KCNH8: variants seen among roughly 807,000 people sequenced by gnomAD.
The protein encoded by KCNH8 is potassium voltage-gated channel subfamily H member 8, also known as voltage-gated delayed rectifier potassium channel KCNH8.
Under a neutral mutation model 103.6 loss-of-function variants are expected in KCNH8, and 70 were observed. The ratio of observed to expected loss-of-function variants is 0.68; its 90% confidence interval spans 0.56 to 0.82. The LOEUF (loss-of-function observed/expected upper bound fraction) is 0.82, where lower values mean the gene tolerates loss of function less well. Among genes scored for constraint, KCNH8 ranks in the 40% least tolerant of loss-of-function variants. The pLI is 0.00. For synonymous variants in KCNH8, 498 were observed against 489.4 expected (o/e 1.02, Z -0.23); for missense variants, 1,217 against 1,329.9 (o/e 0.92, Z 1.32).
At chr3:19,438,051 C>A (rs2067227047) in intron 7 of KCNH8, 113 bp from the exon 8 acceptor site, 1 of 815,500 alleles carries the variant, frequency 1.2e-6, no homozygotes, top group Non-Finnish European at 2.0e-6. Flanking sequence ...TTACCTTCTT[C>A]TTCCTCTGAG....
At chr3:19,405,652 T>A (rs1025813624) in intron 7 of KCNH8, among the ~76,000 whole-genome samples, 8 of 151,934 alleles carry the variant, frequency 5.3e-5, no homozygotes, top group Non-Finnish European at 1.0e-4. Flanking sequence ...ATATTGTGGT[T>A]CTCAAAAGTG....
intron 2 of KCNH8, among the ~76,000 whole-genome samples, 176 bp from the exon 3 acceptor site, chr3:19,281,022 A>G (rs2125274008): frequency 6.6e-6 from 1 of 152,220 alleles, no homozygotes; most frequent in South Asian, 2.1e-4. Context: ...TGGAATGAAG[A>G]GAGATGTATA....
chr3:19,510,031 A>G (rs2068757336), intron 11 of KCNH8, among the ~76,000 whole-genome samples: 1 of 152,178 alleles, frequency 6.6e-6, no homozygotes, highest in African/African-American at 2.4e-5. Flanking sequence ...ATGAAGCATC[A>G]AGATGGAAAA....
At chr3:19,311,694 C>A (rs2065210589) in intron 3 of KCNH8, among the ~76,000 whole-genome samples, 1 of 151,616 alleles carries the variant, frequency 6.6e-6, no homozygotes, top group African/African-American at 2.4e-5. Flanking sequence ...CAGACCAGGC[C>A]AAACAGAGCT....
intron 15 of KCNH8, among the ~76,000 whole-genome samples, chr3:19,519,168 G>C (rs1184693166): frequency 6.6e-6 from 1 of 151,960 alleles, no homozygotes; most frequent in Non-Finnish European, 1.5e-5. Context: ...GCTCAGGCGA[G>C]AATATGCAGC....
intron 11 of KCNH8, among the ~76,000 whole-genome samples, chr3:19,509,845 G>C (rs986199257): frequency 6.6e-6 from 1 of 152,160 alleles, no homozygotes; most frequent in Non-Finnish European, 1.5e-5. Flanking sequence ...TCATGCCTAT[G>C]AGCGTTCAGG....
chr3:19,235,674 TACTA>T, intron 1 of KCNH8, among the ~76,000 whole-genome samples: 1 of 152,330 alleles, frequency 6.6e-6, no homozygotes, highest in East Asian at 1.9e-4. Context: ...AAAATTTAAA[TACTA>T]ACAAATTAGT....
chr3:19,389,044 A>G (rs1172732811), intron 5 of KCNH8, among the ~76,000 whole-genome samples: 1 of 152,200 alleles, frequency 6.6e-6, no homozygotes, highest in East Asian at 1.9e-4. Flanking sequence ...GTTATCTACA[A>G]TAATACTAAT....
intron 3 of KCNH8, among the ~76,000 whole-genome samples, chr3:19,292,988 C>T (rs1160726832): frequency 1.3e-5 from 2 of 152,128 alleles, no homozygotes; most frequent in African/African-American, 4.8e-5. Context: ...GGTTTTTTCC[C>T]TAAGCTTTTA....
chr3:19,447,927 G>A (rs566094196), intron 8 of KCNH8, among the ~76,000 whole-genome samples: 15 of 151,942 alleles, frequency 9.9e-5, no homozygotes, highest in South Asian at 4.2e-4. Context: ...ACATTCTTGC[G>A]TGTATCAAGC....
chr3:19,328,902 C>A (rs1269883180), intron 3 of KCNH8, among the ~76,000 whole-genome samples: 3 of 152,022 alleles, frequency 2.0e-5, no homozygotes, highest in African/African-American at 7.2e-5. Flanking sequence ...TGGATGATTT[C>A]TTTATTTATG....
At chr3:19,234,721 A>G (rs7639587) in intron 1 of KCNH8, among the ~76,000 whole-genome samples, 4,226 of 152,346 alleles carry the variant, frequency 0.028, 195 homozygotes, top group African/African-American at 0.094. Flanking sequence ...AGGGCTCCTC[A>G]AGTGCCGCCA....
chr3:19,300,378 G>C (rs1017007532), intron 3 of KCNH8, among the ~76,000 whole-genome samples: 1 of 152,088 alleles, frequency 6.6e-6, no homozygotes, highest in Non-Finnish European at 1.5e-5. Flanking sequence ...CTCACCATGG[G>C]GCAAGTTGAT....
intron 14 of KCNH8, among the ~76,000 whole-genome samples, chr3:19,516,076 T>C (rs1288476184): frequency 6.6e-6 from 1 of 152,004 alleles, no homozygotes; most frequent in Non-Finnish European, 1.5e-5. Context: ...CTGTATTTGA[T>C]AAAAAGAGAA....
intron 1 of KCNH8, among the ~76,000 whole-genome samples, chr3:19,199,145 CTG>C (rs531200441): frequency 9.1e-4 from 138 of 152,224 alleles, no homozygotes; most frequent in Non-Finnish European, 1.1e-3. Flanking sequence ...ACTCATTGTA[CTG>C]TGTCATCCTA....
At position 19,222,607 on chromosome 3, in the gene KCNH8, G is replaced by A. The variant is rs2063887681; in HGVS notation, c.77-31047G>A. 5.3e-5 allele frequency among the ~76,000 whole-genome samples: 8 copies of A among 152,096 alleles called. No homozygotes were observed. In the South Asian group the frequency reaches 1.7e-3, roughly 32 times the overall value. ...AGTAAAGCTTTGAAAACTGTAGTGT[G>A]ACAAATAATACAAGCTCACCCTTTA... On this transcript the variant is annotated intron_variant, in intron 1 of 15. Coordinates refer to ENST00000328405, the MANE Select transcript of KCNH8 (RefSeq NM_144633.3).
At chr3:19,518,538 G>T (rs934210195) in intron 15 of KCNH8, among the ~76,000 whole-genome samples, 33 of 151,704 alleles carry the variant, frequency 2.2e-4, no homozygotes, top group African/African-American at 8.0e-4. Context: ...TGTCACCTTG[G>T]GTACTTTACC....
At chr3:19,162,510 C>CAAAAAG (rs113270650) in intron 1 of KCNH8, among the ~76,000 whole-genome samples, 2 of 148,726 alleles carry the variant, frequency 1.3e-5, no homozygotes, top group Non-Finnish European at 3.0e-5. Context: ...CCTTCTCAAA[C>CAAAAAG]AAAAAGAAAA....
At chr3:19,291,529 T>G (rs1489942457) in intron 3 of KCNH8, among the ~76,000 whole-genome samples, 2 of 152,238 alleles carry the variant, frequency 1.3e-5, no homozygotes, top group African/African-American at 2.4e-5. Flanking sequence ...AGCAGGTTGT[T>G]CAGTTTCCAT....
Sources: gnomAD v4.1 joint callset for allele counts (sites outside exome capture counted in the v4.1 genomes callset) on GRCh38, gnomAD v4.1.1 for gene constraint, MANE v1.5 for transcripts, NCBI Gene and HGNC (gene_info 2026-07-23, HGNC 2026-07-21) for gene names.